EPM2A: variants seen among roughly 807,000 people sequenced by gnomAD.
EPM2A encodes the protein EPM2A glucan phosphatase, laforin.
Under a neutral mutation model 26.5 loss-of-function variants are expected in EPM2A, and 21 were observed. That is an observed-to-expected ratio of 0.79 (90% confidence interval 0.56 to 1.14). The LOEUF is 1.14. EPM2A is among the 50% of genes most tolerant of loss of function. The pLI is 0.00. For missense variants in EPM2A, 458 were observed against 440.8 expected (o/e 1.04, Z -0.35); for synonymous variants, 217 against 177.6 (o/e 1.22, Z -1.76).
chr6:145,521,141 C>T (rs1159516103), intron 2 of EPM2A, among the ~76,000 whole-genome samples: 2 of 152,000 alleles, frequency 1.3e-5, no homozygotes, highest in South Asian at 2.1e-4. Context: ...AGACTTTACT[C>T]ATAATAATAC....
chr6:145,406,112 G>A (rs1369787474), intron 4 of EPM2A, among the ~76,000 whole-genome samples: 4 of 151,648 alleles, frequency 2.6e-5, no homozygotes, highest in South Asian at 2.1e-4. Flanking sequence ...GGTTATTACC[G>A]CAGGCTCTGA....
At chr6:145,473,935 G>A (rs1779508109) in intron 4 of EPM2A, among the ~76,000 whole-genome samples, 1 of 152,064 alleles carries the variant, frequency 6.6e-6, no homozygotes, top group African/African-American at 2.4e-5. Flanking sequence ...CAATTAGAAA[G>A]AAAAGGACAT....
At chr6:145,606,352 C>T (rs1775259104) in intron 2 of EPM2A, among the ~76,000 whole-genome samples, 2 of 151,646 alleles carry the variant, frequency 1.3e-5, no homozygotes, top group Admixed American at 6.6e-5. Context: ...TACTCAGTCC[C>T]CTGGTATAAA....
chr6:145,556,858 G>A (rs763352309), intron 2 of EPM2A, among the ~76,000 whole-genome samples: 8 of 151,996 alleles, frequency 5.3e-5, no homozygotes, highest in Non-Finnish European at 8.8e-5. Flanking sequence ...ATAATAGTGT[G>A]TTTGTAGTTT....
chr6:145,695,673 A>C (rs1199763405), intron 1 of EPM2A, among the ~76,000 whole-genome samples: 1 of 152,096 alleles, frequency 6.6e-6, no homozygotes, highest in East Asian at 1.9e-4. Flanking sequence ...AAAAGACTTT[A>C]AGTCAAACAT....
At chr6:145,502,435 C>T in intron 3 of EPM2A, 1 of 455,118 alleles carries the variant, frequency 2.2e-6, no homozygotes, top group Non-Finnish European at 4.5e-6. Context: ...AATGACTGCA[C>T]AGCCCCCAAA....
chr6:145,626,721 A>T lies in EPM2A; in HGVS notation c.*695T>A. ...CATTAAGCCTCAATTTAACTTCTTG[A>T]CATCTCAACTATAAAAAACAAGGGT... On this transcript the variant is annotated 3_prime_UTR_variant, in exon 4 of 4. Transcript: ENST00000367519. 2.0e-6 allele frequency: 2 copies of T among 986,068 alleles called. No homozygotes were observed. Among genetic ancestry groups the T allele is most frequent in the South Asian group, 9.4e-5 (2 of 21,306 alleles). The allele number at this position is 986,068 out of a possible 1,614,324, so 61.1% of individuals were successfully genotyped here.
chr6:145,539,335 T>C, intron 2 of EPM2A, among the ~76,000 whole-genome samples: 1 of 152,154 alleles, frequency 6.6e-6, no homozygotes, highest in South Asian at 2.1e-4. Flanking sequence ...TGTAATAAGG[T>C]AGGGGATTTT....
chr6:145,612,840 C>T (rs929208242), intron 2 of EPM2A, among the ~76,000 whole-genome samples: 2 of 151,460 alleles, frequency 1.3e-5, no homozygotes, highest in Non-Finnish European at 2.9e-5. Context: ...AAGTCATAAT[C>T]TTTTGCTGGA....
intron 4 of EPM2A, chr6:145,490,250 C>G (rs1219801920): frequency 3.9e-6 from 5 of 1,283,946 alleles, no homozygotes; most frequent in Non-Finnish European, 5.4e-6. Context: ...ACATAAAGAA[C>G]AATAGTTGGG....
At chr6:145,522,378 ATT>A (rs1266490528) in intron 2 of EPM2A, among the ~76,000 whole-genome samples, 1 of 151,942 alleles carries the variant, frequency 6.6e-6, no homozygotes, top group East Asian at 1.9e-4. Flanking sequence ...TTAACTCACC[ATT>A]TTCCCCTAAC....
intron 4 of EPM2A, among the ~76,000 whole-genome samples, chr6:145,482,337 A>C (rs886290295): frequency 2.0e-5 from 3 of 152,134 alleles, no homozygotes; most frequent in African/African-American, 2.4e-5. Flanking sequence ...TGAAGTAAAA[A>C]ATGTCTTCTA....
chr6:145,590,590 T>C (rs747331237), intron 2 of EPM2A, among the ~76,000 whole-genome samples: 2 of 152,102 alleles, frequency 1.3e-5, no homozygotes, highest in Admixed American at 6.5e-5. Context: ...ATAATAATAA[T>C]AGATTGCACA....
Position 145,571,611 on chromosome 6 carries a change from G to A in EPM2A, c.340+63634C>T, listed in dbSNP as rs186208454. 3.0e-4 allele frequency among the ~76,000 whole-genome samples: 46 copies of A among 152,322 alleles called. No homozygotes were observed. The East Asian group carries it at 8.7e-3, about 29-fold the overall frequency. On this transcript the variant is annotated intron_variant, in intron 2 of 3. Coordinates refer to the EPM2A transcript ENST00000450221. Reference sequence around the variant, plus strand: ...TCCAGTATAATCAACCTGCCACGAAGTAGCTGGCTGATTACCTAAGCAATG... The same window carrying A: ...TCCAGTATAATCAACCTGCCACGAAATAGCTGGCTGATTACCTAAGCAATG...
At chr6:145,569,852 T>TCC (rs201651970) in intron 2 of EPM2A, among the ~76,000 whole-genome samples, 10,115 of 127,748 alleles carry the variant, frequency 0.079, 1,121 homozygotes, top group African/African-American at 0.25. Flanking sequence ...TAATGGAATA[T>TCC]ACATATATAT....
rs183006112 is a variant in EPM2A, at chr6:145,474,595, T to C, written c.555+27927A>G. Among the ~76,000 whole-genome samples the C allele has an allele frequency of 2.5e-3, 386 of 152,130 alleles. 5 individuals carry two copies. Among genetic ancestry groups the C allele is most frequent in the African/African-American group, 8.9e-3 (368 of 41,520 alleles). ...TTCATGACTAAAACACCAAAAGCAA[T>C]GGCAACAAAAGCCATTGACAAATGG... On this transcript the variant is annotated intron_variant, in intron 4 of 4. Transcript: ENST00000638717.
chr6:145,387,411 C>A (rs1778277577), intron 4 of EPM2A, among the ~76,000 whole-genome samples: 1 of 152,098 alleles, frequency 6.6e-6, no homozygotes, highest in African/African-American at 2.4e-5. Flanking sequence ...TCAGACTGTC[C>A]TGCCTCCACC....
At chr6:145,577,260 T>C (rs1487190179) in intron 2 of EPM2A, among the ~76,000 whole-genome samples, 2 of 151,852 alleles carry the variant, frequency 1.3e-5, no homozygotes, top group African/African-American at 4.8e-5. Flanking sequence ...AGAAGTAAGA[T>C]TCAATTATAT....
At chr6:145,631,591 G>C (rs1406170577) in intron 3 of EPM2A, 1 of 152,172 alleles carries the variant, frequency 6.6e-6, no homozygotes, top group Non-Finnish European at 1.5e-5. Flanking sequence ...TTTGATCTGA[G>C]ACACTACTAA....
Sources: gnomAD v4.1 joint callset for allele counts (sites outside exome capture counted in the v4.1 genomes callset) on GRCh38, gnomAD v4.1.1 for gene constraint, MANE v1.5 for transcripts, NCBI Gene and HGNC (gene_info 2026-07-23, HGNC 2026-07-21) for gene names.